The following ARHGEF33 variants were observed in gnomAD, a reference collection of about 807,000 sequenced individuals.
ARHGEF33 encodes DH and coiled-coil domain-containing protein ENSP00000381780.
A neutral mutation model predicts 101.9 loss-of-function variants in ARHGEF33; 72 were observed. That is an observed-to-expected ratio of 0.71 (90% CI 0.58 to 0.86). The LOEUF is 0.86. Among genes scored for constraint, ARHGEF33 ranks in the 40% least tolerant of loss-of-function variants. ARHGEF33 has a pLI of 0.00. For missense variants in ARHGEF33, 1,169 were observed against 1,111.3 expected (o/e 1.05, Z -0.74); for synonymous variants, 499 against 442.5 (o/e 1.13, Z -1.60).
chr2:38,921,449 T>A (rs140179942), intron 4 of ARHGEF33, 26 bp downstream of exon 4: 3 of 1,468,932 alleles, frequency 2.0e-6, no homozygotes, highest in East Asian at 2.5e-5. Context: ...TTGTTTCAAA[T>A]GCTCCCATGT....
intron 2 of ARHGEF33, among the ~76,000 whole-genome samples, chr2:38,899,358 TG>T (rs1481583145): frequency 6.6e-6 from 1 of 152,156 alleles, no homozygotes; most frequent in East Asian, 1.9e-4. Flanking sequence ...AGAGTAAAAT[TG>T]CTACTATAAG....
chr2:38,922,395 C>T (rs1382881793), intron 4 of ARHGEF33, among the ~76,000 whole-genome samples: 3 of 152,018 alleles, frequency 2.0e-5, no homozygotes, highest in Non-Finnish European at 4.4e-5. Context: ...TTAGGGGAAA[C>T]GTTATTTAGA....
chr2:38,901,987 C>T (rs1183034879), intron 2 of ARHGEF33, among the ~76,000 whole-genome samples: 5 of 151,928 alleles, frequency 3.3e-5, no homozygotes, highest in South Asian at 2.1e-4. Flanking sequence ...TGTTGGCGGG[C>T]GCCTGTAGTC....
intron 4 of ARHGEF33, among the ~76,000 whole-genome samples, chr2:38,921,734 A>G (rs2124992791): frequency 1.3e-5 from 2 of 152,290 alleles, no homozygotes; most frequent in South Asian, 4.1e-4. Flanking sequence ...CTGAGAACTC[A>G]TTATTGAAAG....
At chr2:38,901,635 C>A (rs1413018833) in intron 2 of ARHGEF33, among the ~76,000 whole-genome samples, 1 of 152,186 alleles carries the variant, frequency 6.6e-6, no homozygotes, top group Non-Finnish European at 1.5e-5. Context: ...TGTACTAGGA[C>A]CAAAATGCAA....
At position 38,889,878 on chromosome 2, in the gene ARHGEF33, T is replaced by A. The variant is rs992276513; in HGVS notation, c.-267T>A. 2.1e-6 allele frequency: 1 copy of A among 470,832 alleles called. No individual in the cohort carries two copies. Among genetic ancestry groups the A allele is most frequent in the African/African-American group, 2.0e-5 (1 of 50,078 alleles). 29.2% of individuals were successfully genotyped at this position (470,832 alleles called of 1,614,324 possible). A position where few individuals can be genotyped will look rare whatever the true frequency, so the allele number is the denominator to read the frequency against. On this transcript the variant is annotated 5_prime_UTR_variant, in exon 1 of 18. Coordinates refer to ENST00000409978, the MANE Select transcript of ARHGEF33 (RefSeq NM_001145451.5). ...CTGGTTAGCATACTACGGTCTCGTT[T>A]CAGGGGAAGTCAAGCCTCTCTACTG...
chr2:38,918,877 CA>C (rs1181241601), intron 2 of ARHGEF33, among the ~76,000 whole-genome samples: 579 of 51,252 alleles, frequency 0.011, 3 homozygotes, highest in Middle Eastern at 0.026. Context: ...CCCATCTCTA[CA>C]AAAAAAAAAA....
At chr2:38,962,849 C>CA (rs386389985) in intron 16 of ARHGEF33, among the ~76,000 whole-genome samples, 4,340 of 56,146 alleles carry the variant, frequency 0.077, 846 homozygotes, top group African/African-American at 0.31. Flanking sequence ...CCCGTCTCTA[C>CA]AAAAAAAAAA....
Position 38,956,931 on chromosome 2 carries a change from T to C in ARHGEF33, c.1254T>C (p.Pro418=), listed in dbSNP as rs1667782717. 1.9e-6 allele frequency: 3 copies of C among 1,552,300 alleles called. No individual in the cohort carries two copies. Among genetic ancestry groups the C allele is most frequent in the Non-Finnish European group, 2.6e-6 (3 of 1,147,154 alleles). The change falls in exon 14 of 18, where the codon CCT becomes CCC. Residue 418 remains proline (P), a synonymous_variant. Coordinates refer to ENST00000409978, the MANE Select transcript of ARHGEF33 (RefSeq NM_001145451.5). ...NVLKFTEQEH[P]DYYLLLVCVQ... is the part of the protein sequence containing the mutation. ...TGAAGTTCACAGAGCAGGAGCACCC[T>C]GACTATTATCTACTACTGGTGTGTG...
At position 38,919,524 on chromosome 2, in the gene ARHGEF33, G is replaced by A. The variant is rs1489221937; in HGVS notation, c.25+52G>A. 9 of 1,539,448 alleles carry A rather than the reference G, an allele frequency of 5.8e-6. No individual in the cohort carries two copies. In the African/African-American group the frequency reaches 8.2e-5, roughly 14 times the overall value. On this transcript the variant is annotated intron_variant, in intron 3 of 17. Coordinates refer to ENST00000409978, the MANE Select transcript of ARHGEF33 (RefSeq NM_001145451.5). ...AGGACTTAGGATTCAAGGAATGTAG[G>A]TTTTTGTCTTGTCTTACCACTGTCT... is the stretch of plus-strand genomic sequence containing the variant.
chr2:38,912,154 G>C (rs573242390), intron 2 of ARHGEF33, among the ~76,000 whole-genome samples: 8 of 152,358 alleles, frequency 5.3e-5, no homozygotes, highest in Admixed American at 5.2e-4. Context: ...CTGAATGGGT[G>C]TTTTTAGAGG....
intron 8 of ARHGEF33, chr2:38,936,870 G>T (rs553645691): frequency 1.6e-4 from 25 of 151,726 alleles, no homozygotes; most frequent in African/African-American, 5.3e-4. Flanking sequence ...CAGCTCCTTG[G>T]GAGACTGAGG....
At chr2:38,967,228 T>C (rs1345385861) in intron 17 of ARHGEF33, among the ~76,000 whole-genome samples, 3 of 152,166 alleles carry the variant, frequency 2.0e-5, no homozygotes, top group African/African-American at 7.2e-5. Context: ...TGTCTAATTG[T>C]AATTATCCTC....
At chr2:38,924,243 ATAAT>A (rs1320754927) in intron 4 of ARHGEF33, among the ~76,000 whole-genome samples, 3 of 152,204 alleles carry the variant, frequency 2.0e-5, no homozygotes, top group Admixed American at 1.3e-4. Flanking sequence ...TTAGCAAATA[ATAAT>A]TAATAATATT....
At chr2:38,955,481 C>CTTTTTTTTTTTTTTTT (rs3085350) in intron 13 of ARHGEF33, among the ~76,000 whole-genome samples, 2 of 71,186 alleles carry the variant, frequency 2.8e-5, no homozygotes, top group Non-Finnish European at 2.4e-5. Flanking sequence ...ATTGAAAAGA[C>CTTTTTTTTTTTTTTTT]TTTTTTTTTT....
Position 38,973,983 on chromosome 2 carries a change from ATACT to A in ARHGEF33, c.*144_*147del, listed in dbSNP as rs1190512594. 4.4e-5 allele frequency: 21 copies of A among 479,092 alleles called. No individual in the cohort carries two copies. In the Admixed American group the frequency reaches 7.0e-4, roughly 16 times the overall value. The allele number at this position is 479,092 out of a possible 1,614,324, so 29.7% of individuals were successfully genotyped here. On this transcript the variant is annotated 3_prime_UTR_variant, in exon 18 of 18. Coordinates refer to ENST00000409978, the MANE Select transcript of ARHGEF33 (RefSeq NM_001145451.5). ...AAATCCCTGAGGAAAACTAATATAA[ATACT>A]TACATATGAAACTAAACATACAAGA...
chr2:38,951,145 T>C (rs1158267938), intron 11 of ARHGEF33, 24 bp downstream of exon 11: 4 of 1,548,454 alleles, frequency 2.6e-6, no homozygotes, highest in Non-Finnish European at 3.5e-6. Context: ...TGCCCCTCTA[T>C]ACATTTTACT....
intron 2 of ARHGEF33, among the ~76,000 whole-genome samples, chr2:38,896,391 G>A (rs888749845): frequency 2.6e-5 from 4 of 152,192 alleles, no homozygotes; most frequent in Non-Finnish European, 4.4e-5. Flanking sequence ...ACCTGCCTTG[G>A]CCTCCGAAAG....
intron 11 of ARHGEF33, among the ~76,000 whole-genome samples, chr2:38,952,738 C>G (rs985445531): frequency 5.3e-5 from 8 of 151,572 alleles, no homozygotes; most frequent in African/African-American, 1.9e-4. Flanking sequence ...TCACTCTGTC[C>G]CCTAGGCTGG....
Sources: allele counts gnomAD v4.1 joint callset (sites outside exome capture counted in the v4.1 genomes callset), GRCh38; gene constraint gnomAD v4.1.1; transcripts MANE v1.5; gene names NCBI Gene and HGNC (gene_info 2026-07-23, HGNC 2026-07-21).